The following EPB41L4A variants were observed in gnomAD, a reference collection of about 807,000 sequenced individuals.
EPB41L4A encodes erythrocyte membrane protein band 4.1 like 4A, also known as band 4.1-like protein 4A.
In EPB41L4A, 100 loss-of-function variants were observed where a neutral mutation model predicts 108.6. That is an observed-to-expected ratio of 0.92 (90% confidence interval 0.78 to 1.09). EPB41L4A has a LOEUF of 1.09. Ranked by LOEUF, EPB41L4A falls within the 50% of genes least tolerant of loss-of-function variation. The pLI is 0.00. For missense variants in EPB41L4A, 1,030 were observed against 842.7 expected, an observed-to-expected ratio of 1.22 and a Z score of -2.75; for synonymous variants, 319 against 289.0, an observed-to-expected ratio of 1.10 and a Z score of -1.05.
downstream of EPB41L4A, among the ~76,000 whole-genome samples, chr5:112,157,637 T>A (rs994501084): frequency 8.5e-5 from 13 of 152,188 alleles, no homozygotes; most frequent in Non-Finnish European, 1.9e-4. Context: ...GCCCCTCTCA[T>A]GTCTATTTCT....
At chr5:112,349,286 C>T (rs79272535) in intron 1 of EPB41L4A, among the ~76,000 whole-genome samples, 1,647 of 152,030 alleles carry the variant, frequency 0.011, 28 homozygotes, top group African/African-American at 0.038. Flanking sequence ...GAGACTTGAG[C>T]AAAGTCCCCT....
rs575778360 is a variant in EPB41L4A, at chr5:112,264,833, T to G, written c.554+63A>C. 1.0e-4 allele frequency: 154 copies of G among 1,524,570 alleles called. No individual in the cohort carries two copies. In the African/African-American group the frequency reaches 2.0e-3, roughly 19 times the overall value. 94.4% of individuals were successfully genotyped at this position (1,524,570 alleles called of 1,614,324 possible). A position where few individuals can be genotyped will look rare whatever the true frequency, so the allele number is the denominator to read the frequency against. ...AATTTATCATTCTAGAAACTTTTCT[T>G]GTGAATATCAGAAGATGATGACTGA... is the stretch of plus-strand genomic sequence containing the variant. On this transcript the variant is annotated intron_variant, in intron 6 of 22. Transcript: ENST00000261486.
At chr5:112,416,057 A>T (rs747016753) in intron 1 of EPB41L4A, among the ~76,000 whole-genome samples, 1 of 152,126 alleles carries the variant, frequency 6.6e-6, no homozygotes, top group Non-Finnish European at 1.5e-5. Flanking sequence ...ACTGATATTC[A>T]TCTTACCATA....
Position 112,350,007 on chromosome 5 carries a change from C to G in EPB41L4A, c.100-42517G>C, listed in dbSNP as rs542445170. Among the ~76,000 whole-genome samples, 6 of 152,336 alleles carry G rather than the reference C, an allele frequency of 3.9e-5. No homozygotes were observed. In the South Asian group the frequency reaches 1.0e-3, roughly 26 times the overall value. On this transcript the variant is annotated intron_variant, in intron 1 of 22. Coordinates refer to ENST00000261486, the MANE Select transcript of EPB41L4A (RefSeq NM_022140.5). ...GGATGGGAGACAGCATGGTGTAGAACAGCATTGCCCAACCGAACTGTTGCC... is the reference window on the plus strand; with the variant it reads ...GGATGGGAGACAGCATGGTGTAGAAGAGCATTGCCCAACCGAACTGTTGCC...
At chr5:112,332,566 A>G (rs1324731475) in intron 1 of EPB41L4A, among the ~76,000 whole-genome samples, 2 of 151,922 alleles carry the variant, frequency 1.3e-5, no homozygotes, top group African/African-American at 4.8e-5. Flanking sequence ...TCAGTCTTCT[A>G]CTCCCCAACC....
chr5:112,199,569 CA>C (rs749265551), intron 15 of EPB41L4A, among the ~76,000 whole-genome samples: 4 of 152,166 alleles, frequency 2.6e-5, no homozygotes, highest in Non-Finnish European at 5.9e-5. Context: ...GTCCATAAAG[CA>C]AATCAAGCCC....
intron 1 of EPB41L4A, among the ~76,000 whole-genome samples, chr5:112,308,695 C>T (rs959340565): frequency 1.3e-5 from 2 of 152,142 alleles, no homozygotes; most frequent in African/African-American, 2.4e-5. Flanking sequence ...CTGTAAATGT[C>T]TCTGTGCTCA....
chr5:112,256,893 G>A (rs1751137976), intron 9 of EPB41L4A: 1 of 152,108 alleles, frequency 6.6e-6, no homozygotes, highest in Non-Finnish European at 1.5e-5. Context: ...CAGTGAACAT[G>A]TACGATCTTT....
In EPB41L4A at chr5:112,174,239, C is replaced by A. The variant is rs186631444; in HGVS notation, c.1623-3247G>T. 6.4e-4 allele frequency among the ~76,000 whole-genome samples: 97 copies of A among 152,312 alleles called. 1 individual carries two copies. The highest frequency in any genetic ancestry group is 1.6e-3 in the Admixed American group (25 of 15,292). On this transcript the variant is annotated intron_variant, in intron 18 of 22. Transcript: ENST00000261486. Reference sequence around the variant, plus strand: ...TGTATTATTTTTATGCTTACATCTGCACACACATTTAATCAATAATTTAGG... The same window carrying A: ...TGTATTATTTTTATGCTTACATCTGAACACACATTTAATCAATAATTTAGG...
At chr5:112,168,663 G>C in intron 22 of EPB41L4A, 76 bp downstream of exon 22, 2 of 1,176,970 alleles carry the variant, frequency 1.7e-6, no homozygotes, top group Admixed American at 1.8e-5. Flanking sequence ...CTCCCTAAAG[G>C]AACTTTCCAA....
intron 1 of EPB41L4A, among the ~76,000 whole-genome samples, chr5:112,313,723 T>G (rs900310707): frequency 8.5e-5 from 13 of 152,152 alleles, no homozygotes; most frequent in Non-Finnish European, 1.3e-4. Flanking sequence ...AGTTTGTTTG[T>G]CAATTTGGTT....
intron 9 of EPB41L4A, among the ~76,000 whole-genome samples, chr5:112,257,722 A>G (rs115664212): frequency 1.1e-3 from 161 of 152,320 alleles, no homozygotes; most frequent in Non-Finnish European, 1.4e-3. Context: ...AATACTCTGA[A>G]TAATAGTAAT....
At chr5:112,334,889 T>A (rs1186266892) in intron 1 of EPB41L4A, among the ~76,000 whole-genome samples, 1 of 152,054 alleles carries the variant, frequency 6.6e-6, no homozygotes, top group Non-Finnish European at 1.5e-5. Context: ...AAATAAAAAC[T>A]GATATAAGGG....
intron 12 of EPB41L4A, among the ~76,000 whole-genome samples, chr5:112,226,598 T>G (rs1561490614): frequency 6.6e-6 from 1 of 152,122 alleles, no homozygotes; most frequent in Non-Finnish European, 1.5e-5. Context: ...TGTAAGAAGT[T>G]TGTTCTTTCC....
intron 1 of EPB41L4A, among the ~76,000 whole-genome samples, chr5:112,397,706 G>A (rs889207409): frequency 6.6e-6 from 1 of 151,980 alleles, no homozygotes; most frequent in Admixed American, 6.6e-5. Flanking sequence ...TGGAAATCTA[G>A]GATTATAAAA....
At chr5:112,339,542 A>ATTT (rs60186031) in intron 1 of EPB41L4A, among the ~76,000 whole-genome samples, 1 of 110,684 alleles carries the variant, frequency 9.0e-6, no homozygotes, top group African/African-American at 2.9e-5. Context: ...ATATATATAT[A>ATTT]TTTTTTTTTT....
intron 1 of EPB41L4A, among the ~76,000 whole-genome samples, chr5:112,398,382 G>T (rs529809201): frequency 1.3e-5 from 2 of 151,580 alleles, no homozygotes; most frequent in Admixed American, 6.6e-5. Flanking sequence ...AGAATGTGGG[G>T]TTTTTTTTGT....
At chr5:112,173,644 T>A (rs867991245) in intron 18 of EPB41L4A, 2 of 104,918 alleles carry the variant, frequency 1.9e-5, no homozygotes, top group African/African-American at 7.3e-5. Flanking sequence ...AATGTTATCT[T>A]TGTTTTTTTT....
chr5:112,152,500 T>G (rs749714779), intron 12 of EPB41L4A, among the ~76,000 whole-genome samples: 2 of 152,194 alleles, frequency 1.3e-5, no homozygotes, highest in Non-Finnish European at 2.9e-5. Flanking sequence ...ATAAAAAGGC[T>G]TGAGGGAGCC....
Sources: allele counts gnomAD v4.1 joint callset (sites outside exome capture counted in the v4.1 genomes callset), GRCh38; gene constraint gnomAD v4.1.1; transcripts MANE v1.5; gene names NCBI Gene and HGNC (gene_info 2026-07-23, HGNC 2026-07-21).